Variants in SLC9A9 observed in about 807,000 individuals in gnomAD.
SLC9A9 encodes the protein sodium/hydrogen exchanger 9.
SLC9A9 carries 62 observed loss-of-function variants against 77.8 expected under a neutral mutation model. The observed-to-expected ratio is 0.80, with a 90% confidence interval of 0.65 to 0.98. SLC9A9 has a LOEUF of 0.98. SLC9A9 is among the 50% of genes least tolerant of loss of function. The probability of loss-of-function intolerance (pLI) is 0.00; values close to 1 mark genes in which losing one functional copy is unlikely to be tolerated. For synonymous variants in SLC9A9, 320 were observed against 283.5 expected (o/e 1.13, Z -1.29); for missense variants, 775 against 774.9 (o/e 1.00, Z 0.00).
At chr3:143,805,999 C>A (rs2108867605) in intron 2 of SLC9A9, among the ~76,000 whole-genome samples, 1 of 152,232 alleles carries the variant, frequency 6.6e-6, no homozygotes, top group Admixed American at 6.5e-5. Flanking sequence ...TAAAAACTCA[C>A]TGATCTCTAA....
At chr3:143,379,790 C>T (rs529040520) in intron 13 of SLC9A9, among the ~76,000 whole-genome samples, 11 of 152,272 alleles carry the variant, frequency 7.2e-5, no homozygotes, top group African/African-American at 2.4e-4. Flanking sequence ...AGAAAGCTTA[C>T]TTATGGTTTG....
At chr3:143,386,312 G>A (rs891629596) in intron 12 of SLC9A9, among the ~76,000 whole-genome samples, 15 of 152,066 alleles carry the variant, frequency 9.9e-5, no homozygotes, top group African/African-American at 2.7e-4. Context: ...AGTATACATC[G>A]GCCCTAGCTG....
chr3:143,574,877 G>A (rs2037329761), intron 7 of SLC9A9, among the ~76,000 whole-genome samples: 2 of 152,196 alleles, frequency 1.3e-5, no homozygotes, highest in Admixed American at 6.5e-5. Context: ...GGATCATGCG[G>A]AGATGATTAG....
intron 4 of SLC9A9, among the ~76,000 whole-genome samples, chr3:143,761,305 C>T (rs562697615): frequency 3.9e-5 from 6 of 152,110 alleles, no homozygotes; most frequent in Non-Finnish European, 8.8e-5. Context: ...GTCTAAAACA[C>T]CAAAAGCCAT....
chr3:143,768,201 T>C (rs2007394416), intron 4 of SLC9A9, among the ~76,000 whole-genome samples: 1 of 152,138 alleles, frequency 6.6e-6, no homozygotes, highest in Non-Finnish European at 1.5e-5. Flanking sequence ...TCATTTATTC[T>C]CAGCGAGGGG....
At chr3:143,642,879 T>A (rs927493779) in intron 6 of SLC9A9, among the ~76,000 whole-genome samples, 1 of 152,190 alleles carries the variant, frequency 6.6e-6, no homozygotes, top group Non-Finnish European at 1.5e-5. Context: ...AGTTCTTTTT[T>A]TCCTATTATA....
intron 12 of SLC9A9, among the ~76,000 whole-genome samples, chr3:143,464,160 G>T (rs708484): frequency 0.23 from 34,615 of 152,054 alleles, 5,136 homozygotes; most frequent in Non-Finnish European, 0.34. Flanking sequence ...GTGTCTCTTG[G>T]GTTTCTCCAT....
chr3:143,438,423 C>CGTGT (rs145312416), intron 12 of SLC9A9, among the ~76,000 whole-genome samples: 1 of 151,656 alleles, frequency 6.6e-6, no homozygotes, highest in Non-Finnish European at 1.5e-5. Flanking sequence ...ATCTCCCTGG[C>CGTGT]GTGTGTGTGT....
intron 4 of SLC9A9, among the ~76,000 whole-genome samples, chr3:143,781,976 T>C (rs1002370455): frequency 6.6e-6 from 1 of 152,214 alleles, no homozygotes. Context: ...TAAATCAGGT[T>C]GAACACCTCC....
chr3:143,308,566 A>G (rs2030899876), intron 14 of SLC9A9, among the ~76,000 whole-genome samples: 1 of 145,590 alleles, frequency 6.9e-6, no homozygotes, highest in African/African-American at 2.5e-5. Context: ...ACAGAGCGAG[A>G]CTCTGTCTCA....
intron 14 of SLC9A9, among the ~76,000 whole-genome samples, chr3:143,276,458 A>T (rs987984551): frequency 6.6e-6 from 1 of 152,122 alleles, no homozygotes; most frequent in African/African-American, 2.4e-5. Context: ...GCCTGTTTCT[A>T]TGTAGGGATT....
intron 12 of SLC9A9, among the ~76,000 whole-genome samples, chr3:143,413,410 C>T (rs558775479): frequency 5.3e-5 from 8 of 152,226 alleles, no homozygotes; most frequent in Admixed American, 2.0e-4. Context: ...AAAGGTGGCT[C>T]ATTATACTAA....
intron 14 of SLC9A9, 134 bp downstream of exon 14, chr3:143,363,350 A>C: frequency 1.2e-6 from 1 of 807,160 alleles, no homozygotes; most frequent in Non-Finnish European, 2.1e-6. Context: ...ATTCCTTTTT[A>C]TAAGTTTGGC....
chr3:143,716,389 A>T (rs1159442543), intron 4 of SLC9A9, among the ~76,000 whole-genome samples: 3 of 149,310 alleles, frequency 2.0e-5, no homozygotes, highest in Non-Finnish European at 3.0e-5. Flanking sequence ...TTATGTCAGT[A>T]TTTTTTTTTT....
At chr3:143,374,222 G>A (rs543065124) in intron 13 of SLC9A9, among the ~76,000 whole-genome samples, 2 of 151,996 alleles carry the variant, frequency 1.3e-5, no homozygotes, top group South Asian at 2.1e-4. Flanking sequence ...TCAGGAGATC[G>A]AGACCATCCT....
intron 14 of SLC9A9, among the ~76,000 whole-genome samples, chr3:143,347,772 G>A (rs754624637): frequency 9.8e-5 from 15 of 152,310 alleles, no homozygotes; most frequent in Middle Eastern, 3.4e-3. Flanking sequence ...TACTTGAGAT[G>A]TATTTTATAG....
intron 14 of SLC9A9, among the ~76,000 whole-genome samples, chr3:143,354,724 T>A (rs2032544612): frequency 6.6e-6 from 1 of 152,258 alleles, no homozygotes. Flanking sequence ...CTGGCAGCAT[T>A]AAGGTAATAC....
intron 14 of SLC9A9, among the ~76,000 whole-genome samples, chr3:143,309,351 C>T (rs1180068283): frequency 1.3e-5 from 2 of 150,416 alleles, no homozygotes; most frequent in African/African-American, 2.5e-5. Flanking sequence ...AACACCACAG[C>T]GTACCTTTAT....
At chr3:143,810,640 T>G (rs1281970361) in intron 2 of SLC9A9, among the ~76,000 whole-genome samples, 1 of 152,116 alleles carries the variant, frequency 6.6e-6, no homozygotes, top group Admixed American at 6.5e-5. Flanking sequence ...GAGGCTAACA[T>G]AACCATTTTA....
Sources: gnomAD v4.1 joint callset for allele counts (sites outside exome capture counted in the v4.1 genomes callset) on GRCh38, gnomAD v4.1.1 for gene constraint, MANE v1.5 for transcripts, NCBI Gene and HGNC (gene_info 2026-07-23, HGNC 2026-07-21) for gene names.